ANTXR2: variants seen among roughly 807,000 people sequenced by gnomAD.
ANTXR2 encodes the protein anthrax toxin receptor 2.
A neutral mutation model predicts 73.7 loss-of-function variants in ANTXR2; 44 were observed. That is an observed-to-expected ratio of 0.60 (90% confidence interval 0.47 to 0.77). ANTXR2 has a LOEUF of 0.77. ANTXR2 is among the 30% of genes least tolerant of loss of function. The probability of loss-of-function intolerance (pLI) is 0.00; values close to 1 mark genes in which losing one functional copy is unlikely to be tolerated. For missense variants in ANTXR2, 604 were observed against 592.5 expected (o/e 1.02, Z -0.20); for synonymous variants, 217 against 205.9 (o/e 1.05, Z -0.46).
chr4:79,913,375 C>T (rs1727221201), intron 16 of ANTXR2, among the ~76,000 whole-genome samples: 1 of 152,126 alleles, frequency 6.6e-6, no homozygotes, highest in Non-Finnish European at 1.5e-5. Flanking sequence ...CCTGTTAAAG[C>T]ATTTGGCAAG....
chr4:79,957,016 C>T (rs1209290221), intron 16 of ANTXR2, among the ~76,000 whole-genome samples: 1 of 152,012 alleles, frequency 6.6e-6, no homozygotes, highest in Non-Finnish European at 1.5e-5. Context: ...CCAAATCCAC[C>T]AATTTGACCA....
chr4:80,015,911 GAAAGGAAAGGAA>G (rs70944759), intron 11 of ANTXR2, among the ~76,000 whole-genome samples: 4 of 54,308 alleles, frequency 7.4e-5, no homozygotes, highest in Non-Finnish European at 1.1e-4. Flanking sequence ...GAAAGGAAAG[GAAAGGAAAGGAA>G]AAAGGAAAGG....
chr4:80,072,259 G>T lies in ANTXR2; in HGVS notation c.152+150C>A, dbSNP rs947460167. Reference sequence around the variant, plus strand: ...TCTCCGCCCACACAGATCCGAACGCGCTTGCCCTTTGAAAGAAGACAGCAA... The same window carrying T: ...TCTCCGCCCACACAGATCCGAACGCTCTTGCCCTTTGAAAGAAGACAGCAA... On this transcript the variant is annotated intron_variant, in intron 1 of 16. Coordinates refer to ENST00000403729, the MANE Select transcript of ANTXR2 (RefSeq NM_058172.6). 23 of 869,700 alleles carry T rather than the reference G, an allele frequency of 2.6e-5. No individual in the cohort carries two copies. In the Admixed American group the frequency reaches 4.5e-4, roughly 17 times the overall value. The allele number at this position is 869,700 out of a possible 1,614,324, so 53.9% of individuals were successfully genotyped here. A position where few individuals can be genotyped will look rare whatever the true frequency, so the allele number is the denominator to read the frequency against.
intron 10 of ANTXR2, 28 bp from the exon 11 acceptor site, chr4:80,019,004 A>G: frequency 7.2e-7 from 1 of 1,392,518 alleles, no homozygotes; most frequent in Non-Finnish European, 9.6e-7. Flanking sequence ...CAATAATTTT[A>G]TATACATTTA....
At position 80,055,175 on chromosome 4, in the gene ANTXR2, C is replaced by T; in HGVS notation, c.530G>A (p.Gly177Asp). 6.4e-7 allele frequency: 1 copy of T among 1,565,952 alleles called. No individual in the cohort carries two copies. Among genetic ancestry groups the T allele is most frequent in the Non-Finnish European group, 8.7e-7 (1 of 1,153,940 alleles). Residue 177 changes from glycine (G) to aspartate (D), a missense_variant, in exon 6 of 17, where the codon GGT (glycine) becomes GAT (aspartate). Transcript: ENST00000403729. ...RSLGASVYCV[G>D]VLDFEQAQLE... ...CTGTGCTTGTTCAAAATCAAGGACA[C>T]CAACACAATAAACACTAGCCCCAAG...
intron 10 of ANTXR2, among the ~76,000 whole-genome samples, chr4:80,029,476 T>C (rs927374929): frequency 6.6e-6 from 1 of 151,914 alleles, no homozygotes; most frequent in Non-Finnish European, 1.5e-5. Context: ...ACAAAAATAT[T>C]TAAGAAAAAT....
chr4:80,010,299 T>C (rs1187543013), intron 11 of ANTXR2, among the ~76,000 whole-genome samples: 8 of 152,200 alleles, frequency 5.3e-5, no homozygotes, highest in East Asian at 1.9e-4. Flanking sequence ...AAGGATGTCA[T>C]AGAAACGCAT....
intron 12 of ANTXR2, among the ~76,000 whole-genome samples, chr4:79,994,270 G>A (rs986667981): frequency 6.6e-6 from 1 of 151,892 alleles, no homozygotes; most frequent in African/African-American, 2.4e-5. Flanking sequence ...AAGCTTAAAC[G>A]ATCATTTCCC....
intron 8 of ANTXR2, among the ~76,000 whole-genome samples, chr4:80,035,638 C>T (rs139020041): frequency 6.0e-4 from 91 of 152,194 alleles, no homozygotes; most frequent in African/African-American, 2.1e-3. Context: ...TCAAAGTCTA[C>T]ATATACCTGA....
At chr4:79,927,745 T>C (rs974451467) in intron 16 of ANTXR2, among the ~76,000 whole-genome samples, 3 of 152,190 alleles carry the variant, frequency 2.0e-5, no homozygotes, top group Admixed American at 6.5e-5. Context: ...TAAAAATGCA[T>C]ATGACCTGTT....
chr4:79,987,696 G>T (rs1461497024), intron 12 of ANTXR2, among the ~76,000 whole-genome samples: 1 of 152,140 alleles, frequency 6.6e-6, no homozygotes, highest in African/African-American at 2.4e-5. Context: ...GCAAAGGAAA[G>T]AAATGTTAAA....
intron 3 of ANTXR2, among the ~76,000 whole-genome samples, chr4:80,068,449 T>G (rs910038269): frequency 2.0e-5 from 3 of 152,138 alleles, no homozygotes; most frequent in African/African-American, 7.2e-5. Context: ...AAAAGCTCCC[T>G]CCCACTATGG....
At chr4:79,984,741 A>G (rs1730035385) in intron 13 of ANTXR2, 78 bp downstream of exon 13, 1 of 1,257,720 alleles carries the variant, frequency 8.0e-7, no homozygotes, top group Admixed American at 2.0e-5. Context: ...CTAACAGACA[A>G]AATTGATTAA....
chr4:79,985,987 G>A (rs1332968411), intron 12 of ANTXR2, among the ~76,000 whole-genome samples: 6 of 151,786 alleles, frequency 4.0e-5, no homozygotes, highest in Admixed American at 2.0e-4. Flanking sequence ...GATTACAGGC[G>A]CCCGCCACCA....
intron 12 of ANTXR2, among the ~76,000 whole-genome samples, chr4:79,988,813 A>G (rs888355296): frequency 2.6e-5 from 4 of 152,174 alleles, no homozygotes; most frequent in African/African-American, 9.7e-5. Context: ...ACACAGTACA[A>G]TAGAAATAGA....
intron 16 of ANTXR2, among the ~76,000 whole-genome samples, chr4:79,913,236 G>A (rs533611972): frequency 6.6e-6 from 1 of 152,122 alleles, no homozygotes; most frequent in East Asian, 1.9e-4. Context: ...TACTATCTTG[G>A]TGTACCCACT....
intron 16 of ANTXR2, among the ~76,000 whole-genome samples, chr4:79,955,073 T>A (rs1399735687): frequency 6.6e-6 from 1 of 152,160 alleles, no homozygotes; most frequent in Non-Finnish European, 1.5e-5. Context: ...TTTACAGTTG[T>A]GACACAAGAC....
At chr4:80,007,468 C>T (rs554113461) in intron 12 of ANTXR2, among the ~76,000 whole-genome samples, 1 of 152,262 alleles carries the variant, frequency 6.6e-6, no homozygotes, top group South Asian at 2.1e-4. Context: ...CCCCCACCAA[C>T]ATCTCCATAA....
intron 12 of ANTXR2, among the ~76,000 whole-genome samples, chr4:79,997,322 G>A (rs1323415503): frequency 6.7e-6 from 1 of 150,198 alleles, no homozygotes; most frequent in African/African-American, 2.4e-5. Context: ...ACTGATTTTT[G>A]CCAGTGACAA....
Sources: allele counts gnomAD v4.1 joint callset (sites outside exome capture counted in the v4.1 genomes callset), GRCh38; gene constraint gnomAD v4.1.1; transcripts MANE v1.5; gene names NCBI Gene and HGNC (gene_info 2026-07-23, HGNC 2026-07-21).